VSTM2L: variants seen among roughly 807,000 people sequenced by gnomAD.
VSTM2L encodes V-set and transmembrane domain-containing protein 2-like protein.
Under a neutral mutation model 19.9 loss-of-function variants are expected in VSTM2L, and 9 were observed. The observed-to-expected ratio is 0.45, with a 90% CI of 0.27 to 0.79. The LOEUF (loss-of-function observed/expected upper bound fraction) is 0.79. Ranked by LOEUF, VSTM2L falls within the 30% of genes least tolerant of loss-of-function variation. VSTM2L has a pLI of 0.15. For missense variants in VSTM2L, 286 were observed against 295.5 expected (o/e 0.97, Z 0.24); for synonymous variants, 127 against 133.8 (o/e 0.95, Z 0.35).
intron 1 of VSTM2L, among the ~76,000 whole-genome samples, chr20:37,919,541 G>T (rs1301323289): frequency 1.3e-5 from 2 of 152,238 alleles, no homozygotes; most frequent in Non-Finnish European, 2.9e-5. Flanking sequence ...TTTACAGGCG[G>T]TTGGGCTGGG....
intron 1 of VSTM2L, among the ~76,000 whole-genome samples, chr20:37,918,271 C>T (rs1234659742): frequency 1.3e-5 from 2 of 152,152 alleles, no homozygotes; most frequent in Non-Finnish European, 2.9e-5. Flanking sequence ...TGAGATTGGG[C>T]CATGGCCATC....
intron 3 of VSTM2L, among the ~76,000 whole-genome samples, chr20:37,941,255 A>G (rs1024243408): frequency 2.6e-5 from 4 of 152,192 alleles, no homozygotes; most frequent in Admixed American, 1.3e-4. Flanking sequence ...ACGGTTCAAA[A>G]TGAGAAGACT....
At chr20:37,906,090 G>C (rs1023922630) in intron 1 of VSTM2L, among the ~76,000 whole-genome samples, 3 of 151,846 alleles carry the variant, frequency 2.0e-5, no homozygotes, top group African/African-American at 7.3e-5. Context: ...CCTGGGGAGG[G>C]GCACATTGAC....
intron 1 of VSTM2L, among the ~76,000 whole-genome samples, chr20:37,913,956 G>C (rs571081396): frequency 1.3e-5 from 2 of 152,144 alleles, no homozygotes; most frequent in Admixed American, 1.3e-4. Context: ...AGCTGAAGCA[G>C]GACTTGGGGC....
intron 1 of VSTM2L, 75 bp downstream of exon 1, chr20:37,903,546 C>T: frequency 7.5e-7 from 1 of 1,332,494 alleles, no homozygotes; most frequent in Non-Finnish European, 9.6e-7. Context: ...ACTTGGCCGC[C>T]CCGGGGCTCG....
intron 1 of VSTM2L, among the ~76,000 whole-genome samples, chr20:37,911,197 G>A (rs956920549): frequency 1.4e-5 from 2 of 146,360 alleles, no homozygotes; most frequent in African/African-American, 5.1e-5. Context: ...TTGAATCCAG[G>A]AGGCGGAGAT....
At chr20:37,914,741 T>C (rs1025347439) in intron 1 of VSTM2L, among the ~76,000 whole-genome samples, 164 of 152,156 alleles carry the variant, frequency 1.1e-3, no homozygotes, top group African/African-American at 3.7e-3. Context: ...CACGCCCACC[T>C]TGCAGAGGGG....
chr20:37,906,270 C>G (rs1025580872), intron 1 of VSTM2L, among the ~76,000 whole-genome samples: 13 of 152,268 alleles, frequency 8.5e-5, no homozygotes, highest in African/African-American at 3.1e-4. Context: ...CACCTCCACT[C>G]AAGGTACTTG....
rs753920040 is a variant in VSTM2L at position 37,944,255 on chromosome 20, C to A, written c.*2C>A. ...GACCAGGAGGCCTGCAGCCTCTAGA[C>A]TGATGCCCCTGCCCCCGCCCATCCG... On this transcript the variant is annotated 3_prime_UTR_variant, in exon 4 of 4. Coordinates refer to ENST00000373461, the MANE Select transcript of VSTM2L (RefSeq NM_080607.3). 13 of 1,484,920 alleles carry A rather than the reference C, an allele frequency of 8.8e-6. No individual in the cohort carries two copies. The highest frequency in any genetic ancestry group is 2.8e-5 in the African/African-American group (2 of 71,248). 92.0% of individuals were successfully genotyped at this position (1,484,920 alleles called of 1,614,324 possible).
intron 1 of VSTM2L, among the ~76,000 whole-genome samples, chr20:37,910,936 A>AAAG (rs535141497): frequency 2.0e-5 from 3 of 150,906 alleles, no homozygotes; most frequent in South Asian, 2.1e-4. Context: ...AAAAAAAGAA[A>AAAG]AAGAAGAAGA....
At chr20:37,905,197 C>T (rs540965861) in intron 1 of VSTM2L, among the ~76,000 whole-genome samples, 5 of 152,230 alleles carry the variant, frequency 3.3e-5, no homozygotes, top group Admixed American at 2.0e-4. Context: ...CTCCTCGCTC[C>T]GCTCAGTCCC....
intron 3 of VSTM2L, among the ~76,000 whole-genome samples, chr20:37,935,213 C>A (rs996855560): frequency 6.6e-6 from 1 of 152,192 alleles, no homozygotes; most frequent in Non-Finnish European, 1.5e-5. Context: ...CATGAATGTG[C>A]AATTACCCCC....
Position 37,944,636 on chromosome 20 carries a change from C to T in VSTM2L, c.*383C>T. 1 of 1,022,260 alleles carries T rather than the reference C, an allele frequency of 9.8e-7. No homozygotes were observed. Among genetic ancestry groups the T allele is most frequent in the Non-Finnish European group, 1.2e-6 (1 of 855,124 alleles). The allele number at this position is 1,022,260 out of a possible 1,614,324, so 63.3% of individuals were successfully genotyped here. A position where few individuals can be genotyped will look rare whatever the true frequency, so the allele number is the denominator to read the frequency against. ...CTGAGCCGGGGCCCCCCAGCCTCGC[C>T]TCCCTCCTCCTACCATCCCTCACTT... On this transcript the variant is annotated 3_prime_UTR_variant, in exon 4 of 4. Coordinates refer to ENST00000373461, the MANE Select transcript of VSTM2L (RefSeq NM_080607.3).
chr20:37,936,616 T>G (rs1481748852), intron 3 of VSTM2L, among the ~76,000 whole-genome samples: 1 of 152,156 alleles, frequency 6.6e-6, no homozygotes, highest in African/African-American at 2.4e-5. Context: ...CATGTTAGCC[T>G]TGTGAAGATT....
rs2072996602 is a variant in VSTM2L, at chr20:37,944,478, C to G, written c.*225C>G. On this transcript the variant is annotated 3_prime_UTR_variant, in exon 4 of 4. Coordinates refer to ENST00000373461, the MANE Select transcript of VSTM2L (RefSeq NM_080607.3). ...GGTGACCTGGCTCGGAGAAGGTGGC[C>G]CTGGGCACCAAGGGGCCAACCGCCC... 1.6e-6 allele frequency: 2 copies of G among 1,258,452 alleles called. No individual in the cohort carries two copies. 78.0% of individuals were successfully genotyped at this position (1,258,452 alleles called of 1,614,324 possible).
At position 37,917,085 on chromosome 20, in the gene VSTM2L, G is replaced by A. The variant is rs946875549; in HGVS notation, c.121+13614G>A. On this transcript the variant is annotated intron_variant, in intron 1 of 3. Coordinates refer to ENST00000373461, the MANE Select transcript of VSTM2L (RefSeq NM_080607.3). ...TCCCAGCACTTCTGGAGGCCAAGAC[G>A]GGCGGATCACGAGGTCAGGAGTTCA... Among the ~76,000 whole-genome samples, 44 of 152,242 alleles carry A rather than the reference G, an allele frequency of 2.9e-4. 2 individuals are homozygous for A. The highest frequency in any genetic ancestry group is 9.9e-4 in the African/African-American group (41 of 41,552).
At chr20:37,933,634 A>G in intron 3 of VSTM2L, 45 bp downstream of exon 3, 1 of 1,605,242 alleles carries the variant, frequency 6.2e-7, no homozygotes, top group African/African-American at 1.3e-5. Flanking sequence ...AATGGAGGGC[A>G]CAGCTGTGAC....
Position 37,931,700 on chromosome 20 carries a change from T to C in VSTM2L, c.187T>C (p.Ser63Pro), listed in dbSNP as rs779498987. 1 of 1,613,670 alleles carries C rather than the reference T, an allele frequency of 6.2e-7. No individual in the cohort carries two copies. Among genetic ancestry groups the C allele is most frequent in the Non-Finnish European group, 8.5e-7 (1 of 1,180,002 alleles). The change falls in exon 2 of 4, where the codon TCC (serine) becomes CCC (proline). Residue 63 changes from serine to proline, a missense_variant. By Grantham distance (74) the Ser-to-Pro change is moderately conservative. Transcript: ENST00000373461. The part of the protein sequence containing the change: ...RTGEDVEMAC[S>P]FRGSGSPSYS... ...GGGCGAGGACGTGGAGATGGCCTGC[T>C]CCTTCCGCGGCAGCGGCTCCCCCTC...
Position 37,931,649 on chromosome 20 carries a change from A to C in VSTM2L, c.136A>C (p.Thr46Pro), listed in dbSNP as rs778500544. The C allele has an allele frequency of 6.2e-7, 1 of 1,612,814 alleles. No individual in the cohort carries two copies. The highest frequency in any genetic ancestry group is 1.7e-4 in the Middle Eastern group (1 of 6,056). The change falls in exon 2 of 4, where the codon ACA (threonine) becomes CCA (proline). Residue 46 changes from threonine (T) to proline (P), a missense_variant. Transcript: ENST00000373461. ...TTCTTGCACAGCCCTGTTCACAGAG[A>C]CACCCCATGACATGACAGCACGGAC... is the stretch of plus-strand genomic sequence containing the variant. ...HVSGHALFTE[T>P]PHDMTARTGE...
Sources: gnomAD v4.1 joint callset for allele counts (sites outside exome capture counted in the v4.1 genomes callset) on GRCh38, gnomAD v4.1.1 for gene constraint, MANE v1.5 for transcripts, NCBI Gene and HGNC (gene_info 2026-07-23, HGNC 2026-07-21) for gene names.